Variants in KCNQ5 observed in about 807,000 individuals in gnomAD.
KCNQ5 encodes the protein potassium voltage-gated channel subfamily Q member 5.
In KCNQ5, 30 loss-of-function variants were observed where a neutral mutation model predicts 98.2. The observed-to-expected ratio is 0.31, with a 90% CI of 0.23 to 0.41. The LOEUF is 0.41. KCNQ5 is among the 10% of genes least tolerant of loss of function. KCNQ5 has a pLI of 1.00. For synonymous variants in KCNQ5, 458 were observed against 449.4 expected (o/e 1.02, Z -0.24); for missense variants, 835 against 1,182.5 (o/e 0.71, Z 4.31).
intron 1 of KCNQ5, among the ~76,000 whole-genome samples, chr6:72,910,599 TGTGTGTGG>T (rs1462634173): frequency 3.1e-4 from 47 of 150,118 alleles, no homozygotes; most frequent in Non-Finnish European, 4.1e-4. Flanking sequence ...TGTGTGTGTG[TGTGTGTGG>T]CTGATAAATT....
chr6:73,195,464 T>C lies in KCNQ5; in HGVS notation c.*50T>C, dbSNP rs751177134. ...AGCAGTTCTTTAGCCATACATATCATTGCATGAACTATTTCGAAAGCCCTT... is the reference window on the plus strand; with the variant it reads ...AGCAGTTCTTTAGCCATACATATCACTGCATGAACTATTTCGAAAGCCCTT... On this transcript the variant is annotated 3_prime_UTR_variant, in exon 14 of 14. Transcript: ENST00000370398. The C allele has an allele frequency of 1.0e-5, 16 of 1,558,326 alleles. No homozygotes were observed. The highest frequency in any genetic ancestry group is 2.3e-5 in the East Asian group (1 of 44,224).
At position 72,849,246 on chromosome 6, in the gene KCNQ5, A is replaced by G. The variant is rs1448591880; in HGVS notation, c.399-154662A>G. On this transcript the variant is annotated intron_variant, in intron 1 of 13. Coordinates refer to ENST00000370398, the MANE Select transcript of KCNQ5 (RefSeq NM_019842.4). ...TTTATTGTGAATAATGTTGCAATAA[A>G]CATACAAGTGCAGGTATCTTTTTGC... Among the ~76,000 whole-genome samples, 3 of 152,192 alleles carry G rather than the reference A, an allele frequency of 2.0e-5. No individual in the cohort carries two copies. In the East Asian group the frequency reaches 5.8e-4, roughly 29 times the overall value.
At chr6:72,693,609 T>C (rs1363605552) in intron 1 of KCNQ5, among the ~76,000 whole-genome samples, 3 of 152,174 alleles carry the variant, frequency 2.0e-5, no homozygotes, top group East Asian at 1.9e-4. Flanking sequence ...GCCCTAATCA[T>C]AGAATTGTAG....
intron 2 of KCNQ5, among the ~76,000 whole-genome samples, chr6:73,025,759 T>C (rs1770853207): frequency 6.6e-6 from 1 of 152,188 alleles, no homozygotes. Flanking sequence ...CTTTCCTTTA[T>C]TGCCAGTAAA....
chr6:73,159,670 T>A (rs1158562644), intron 10 of KCNQ5, among the ~76,000 whole-genome samples: 4 of 152,260 alleles, frequency 2.6e-5, no homozygotes, highest in African/African-American at 9.6e-5. Flanking sequence ...TTTACAATTT[T>A]AAAATTTCTA....
chr6:72,780,655 A>G (rs1773418813), intron 1 of KCNQ5, among the ~76,000 whole-genome samples: 1 of 152,178 alleles, frequency 6.6e-6, no homozygotes, highest in Non-Finnish European at 1.5e-5. Context: ...GGGGGGAGAT[A>G]TGAGATCAGA....
At chr6:72,642,303 C>T (rs966365553) in intron 1 of KCNQ5, among the ~76,000 whole-genome samples, 3 of 151,770 alleles carry the variant, frequency 2.0e-5, no homozygotes, top group Admixed American at 6.6e-5. Context: ...AGACACTTTT[C>T]TTTTTAAATT....
At chr6:73,039,436 C>A (rs1382647921) in intron 2 of KCNQ5, among the ~76,000 whole-genome samples, 1 of 152,048 alleles carries the variant, frequency 6.6e-6, no homozygotes, top group East Asian at 1.9e-4. Context: ...GAACTTTCTT[C>A]ATCTATAATG....
intron 1 of KCNQ5, among the ~76,000 whole-genome samples, chr6:72,623,663 C>T (rs1297042148): frequency 4.0e-5 from 6 of 151,702 alleles, no homozygotes; most frequent in Non-Finnish European, 8.8e-5. Context: ...TCTCCTTTTG[C>T]TTCCTCTTTT....
At chr6:72,845,996 G>A (rs541278053) in intron 1 of KCNQ5, among the ~76,000 whole-genome samples, 3 of 152,262 alleles carry the variant, frequency 2.0e-5, no homozygotes, top group South Asian at 4.2e-4. Flanking sequence ...GAGAGGTTAG[G>A]AAGCCTGTTC....
At position 72,873,188 on chromosome 6, in the gene KCNQ5, TTC is replaced by T. The variant is rs1451437302; in HGVS notation, c.399-130714_399-130713del. ...TTCAGATAATTTTTCTAATCACCTC[TTC>T]TCTCTGTTATTAATATTGCTGAAGC... is the stretch of plus-strand genomic sequence containing the variant. On this transcript the variant is annotated intron_variant, in intron 1 of 13. Transcript: ENST00000370398. 2.0e-5 allele frequency among the ~76,000 whole-genome samples: 3 copies of T among 152,262 alleles called. No individual in the cohort carries two copies. In the East Asian group the frequency reaches 5.8e-4, roughly 29 times the overall value.
chr6:73,097,053 TG>T lies in KCNQ5; in HGVS notation c.919-8202del, dbSNP rs1231108990. Among the ~76,000 whole-genome samples the T allele has an allele frequency of 3.3e-5, 5 of 151,136 alleles. No homozygotes were observed. The East Asian group carries it at 9.7e-4, about 29-fold the overall frequency. ...GACTCAGTCTCAGAAAAAAAAAATGTGGTAAGAGAATTTGAAATTTAGTCTT... is the reference window on the plus strand; with the variant it reads ...GACTCAGTCTCAGAAAAAAAAAATGTGTAAGAGAATTTGAAATTTAGTCTT... On this transcript the variant is annotated intron_variant, in intron 5 of 13. Coordinates refer to ENST00000370398, the MANE Select transcript of KCNQ5 (RefSeq NM_019842.4).
At chr6:72,657,356 A>C (rs1473126670) in intron 1 of KCNQ5, among the ~76,000 whole-genome samples, 2 of 152,246 alleles carry the variant, frequency 1.3e-5, no homozygotes, top group African/African-American at 4.8e-5. Flanking sequence ...AAGATTTAGA[A>C]ATGTGGATAT....
At chr6:73,054,036 T>TA (rs1212217042) in intron 3 of KCNQ5, among the ~76,000 whole-genome samples, 1 of 151,710 alleles carries the variant, frequency 6.6e-6, no homozygotes, top group Non-Finnish European at 1.5e-5. Flanking sequence ...CACAAAAATT[T>TA]AAAAAACCCT....
At chr6:72,938,014 G>A (rs1766026118) in intron 1 of KCNQ5, among the ~76,000 whole-genome samples, 1 of 152,142 alleles carries the variant, frequency 6.6e-6, no homozygotes, top group African/African-American at 2.4e-5. Context: ...TGTTCAAGAA[G>A]TATCACCCTG....
At chr6:72,830,900 C>A (rs1776232544) in intron 1 of KCNQ5, among the ~76,000 whole-genome samples, 1 of 150,972 alleles carries the variant, frequency 6.6e-6, no homozygotes, top group Admixed American at 6.6e-5. Context: ...AAAAAACAAC[C>A]CCACCAAAAA....
chr6:72,838,484 A>G (rs540377064), intron 1 of KCNQ5, among the ~76,000 whole-genome samples: 1 of 152,242 alleles, frequency 6.6e-6, no homozygotes, highest in South Asian at 2.1e-4. Flanking sequence ...TATCACTTTA[A>G]TTTTCATGAA....
intron 11 of KCNQ5, among the ~76,000 whole-genome samples, chr6:73,182,988 C>A (rs77910901): frequency 2.6e-5 from 4 of 152,036 alleles, no homozygotes; most frequent in African/African-American, 4.8e-5. Context: ...CCAGAAGGGA[C>A]CTTATGAGAG....
At chr6:73,158,708 C>G (rs1385305762) in intron 10 of KCNQ5, among the ~76,000 whole-genome samples, 1 of 152,146 alleles carries the variant, frequency 6.6e-6, no homozygotes, top group Non-Finnish European at 1.5e-5. Context: ...ATCTCATGCA[C>G]TAGTACAGCT....
Sources: allele counts gnomAD v4.1 joint callset (sites outside exome capture counted in the v4.1 genomes callset), GRCh38; gene constraint gnomAD v4.1.1; transcripts MANE v1.5; gene names NCBI Gene and HGNC (gene_info 2026-07-23, HGNC 2026-07-21).